The following IL16 variants were observed in gnomAD, a reference collection of about 807,000 sequenced individuals.
IL16 encodes pro-interleukin-16.
Under a neutral mutation model 110.1 loss-of-function variants are expected in IL16, and 67 were observed. The observed-to-expected ratio is 0.61, with a 90% CI of 0.50 to 0.75. IL16 has a LOEUF of 0.75. IL16 is among the 30% of genes least tolerant of loss of function. IL16 has a pLI of 0.00. For synonymous variants in IL16, 689 were observed against 662.9 expected (o/e 1.04, Z -0.61); for missense variants, 1,545 against 1,655.0 (o/e 0.93, Z 1.15).
At chr15:81,187,345 C>T (rs1024419773) in intron 1 of IL16, among the ~76,000 whole-genome samples, 18 of 152,176 alleles carry the variant, frequency 1.2e-4, no homozygotes, top group African/African-American at 3.1e-4. Flanking sequence ...CATCCGTAAT[C>T]GCTACACTTT....
At chr15:81,275,749 T>C (rs189304025) in intron 6 of IL16, among the ~76,000 whole-genome samples, 2 of 152,322 alleles carry the variant, frequency 1.3e-5, no homozygotes, top group African/African-American at 4.8e-5. Flanking sequence ...GCCTCAAACA[T>C]TGACCAAATC....
intron 6 of IL16, among the ~76,000 whole-genome samples, chr15:81,276,637 A>T (rs1404982803): frequency 6.6e-6 from 1 of 152,210 alleles, no homozygotes; most frequent in Non-Finnish European, 1.5e-5. Context: ...GAATATCAAA[A>T]TTGTGTCATA....
chr15:81,272,952 G>GTT (rs1567029552), intron 5 of IL16, 138 bp from the exon 6 acceptor site: 73 of 444,786 alleles, frequency 1.6e-4, no homozygotes, highest in Middle Eastern at 6.6e-4. Context: ...GTTAACCTCT[G>GTT]AGACCTCTGA....
chr15:81,280,785 A>G (rs1252026815), intron 8 of IL16, among the ~76,000 whole-genome samples: 3 of 152,188 alleles, frequency 2.0e-5, no homozygotes, highest in African/African-American at 4.8e-5. Context: ...GCCTGGCACA[A>G]TGCTTGGCAT....
rs3086670 is a variant in IL16 at position 81,220,796 on chromosome 15, G to GAAAAA, written c.-101-4492_-101-4488dup. ...GTTTCTCAACAAGTGCTTGTTGAAT[G>GAAAAA]AAAAAAAAAAAAAAATGAAAAGGAA... On this transcript the variant is annotated intron_variant, in intron 1 of 18. Coordinates refer to ENST00000683961, the MANE Select transcript of IL16 (RefSeq NM_172217.5). Among the ~76,000 whole-genome samples the GAAAAA allele has an allele frequency of 4.9e-3, 626 of 128,836 alleles. 2 individuals carry two copies. Among genetic ancestry groups the GAAAAA allele is most frequent in the South Asian group, 0.015 (59 of 4,014 alleles). 84.5% of individuals were successfully genotyped at this position (128,836 alleles called of 152,430 possible).
chr15:81,231,556 A>G (rs1309788155), intron 2 of IL16, among the ~76,000 whole-genome samples: 1 of 152,046 alleles, frequency 6.6e-6, no homozygotes, highest in Non-Finnish European at 1.5e-5. Flanking sequence ...TATTTTTTGT[A>G]GAGGTGGGGT....
At chr15:81,204,717 C>A (rs1895946565) in intron 1 of IL16, among the ~76,000 whole-genome samples, 1 of 149,528 alleles carries the variant, frequency 6.7e-6, no homozygotes, top group African/African-American at 2.5e-5. Context: ...TGCACATGTA[C>A]CCTAAAACTT....
intron 3 of IL16, among the ~76,000 whole-genome samples, chr15:81,264,891 ATC>A (rs1898305122): frequency 1.3e-5 from 2 of 152,372 alleles, no homozygotes; most frequent in South Asian, 4.1e-4. Context: ...ATTAAAATTA[ATC>A]TCTCCTGTTT....
chr15:81,271,267 ATAAAATAAAT>A (rs1404086618), intron 5 of IL16, among the ~76,000 whole-genome samples: 3 of 151,190 alleles, frequency 2.0e-5, no homozygotes, highest in African/African-American at 7.3e-5. Context: ...AATAAATAAA[ATAAAATAAAT>A]TAAATAAAAT....
At chr15:81,239,738 G>A (rs1434571907) in intron 2 of IL16, among the ~76,000 whole-genome samples, 1 of 152,118 alleles carries the variant, frequency 6.6e-6, no homozygotes, top group Non-Finnish European at 1.5e-5. Context: ...TCCTTTCCTG[G>A]TGTTTTAGCC....
In IL16 at chr15:81,276,008, C is replaced by T. The variant is rs1243238024; in HGVS notation, c.790+2804C>T. On this transcript the variant is annotated intron_variant, in intron 6 of 18. Transcript: ENST00000683961. Reference sequence around the variant, plus strand: ...GGCTGTGTGGCCCCAGTAAGATGGACATTCTAATAACTTAAAGAGAAGTCT... The same window carrying T: ...GGCTGTGTGGCCCCAGTAAGATGGATATTCTAATAACTTAAAGAGAAGTCT... 3.3e-5 allele frequency among the ~76,000 whole-genome samples: 5 copies of T among 152,208 alleles called. No individual in the cohort carries two copies. The South Asian group carries it at 8.3e-4, about 25-fold the overall frequency.
chr15:81,289,673 T>C (rs993077680), intron 10 of IL16, among the ~76,000 whole-genome samples: 1 of 152,216 alleles, frequency 6.6e-6, no homozygotes, highest in Non-Finnish European at 1.5e-5. Flanking sequence ...CTTTATATAA[T>C]CTGCAACTCA....
intron 12 of IL16, 78 bp from the exon 13 acceptor site, chr15:81,296,850 C>A: frequency 7.6e-7 from 1 of 1,314,788 alleles, no homozygotes; most frequent in Non-Finnish European, 1.0e-6. Flanking sequence ...TTTTTCCGTC[C>A]CAATCAAAGC....
Position 81,265,761 on chromosome 15 carries a change from C to T in IL16, c.524C>T (p.Ser175Phe). 6.2e-7 allele frequency: 1 copy of T among 1,613,716 alleles called. No homozygotes were observed. The highest frequency in any genetic ancestry group is 8.5e-7 in the Non-Finnish European group (1 of 1,179,822). ...QPYSLCSNRK[S>F]LSQQLDCPAG... is the part of the protein sequence containing the mutation. ...TACTCTCTCTGCAGTAACAGGAAGT[C>T]CCTCTCTCAACAATTGGACTGTCCA... is the stretch of plus-strand genomic sequence containing the variant. Residue 175 changes from serine to phenylalanine, a missense_variant, in exon 4 of 19, where the codon TCC becomes TTC. This residue lies in a region of IL16 where 1,185 missense variants were observed against 1,238.8 expected (regional missense o/e 0.96). Coordinates refer to ENST00000683961, the MANE Select transcript of IL16 (RefSeq NM_172217.5).
At chr15:81,236,701 A>G (rs144871984) in intron 2 of IL16, among the ~76,000 whole-genome samples, 70 of 152,286 alleles carry the variant, frequency 4.6e-4, no homozygotes, top group African/African-American at 1.6e-3. Flanking sequence ...CATGCCTGTA[A>G]TTACAATACT....
In IL16 at chr15:81,313,184, C is replaced by A. The variant is rs1040363756; in HGVS notation, c.*4386C>A. The A allele has an allele frequency of 4.8e-6, 7 of 1,450,648 alleles. No individual in the cohort carries two copies. Among genetic ancestry groups the A allele is most frequent in the Non-Finnish European group, 5.5e-6 (6 of 1,093,954 alleles). The allele number at this position is 1,450,648 out of a possible 1,614,324, so 89.9% of individuals were successfully genotyped here. On this transcript the variant is annotated 3_prime_UTR_variant, in exon 19 of 19. Coordinates refer to ENST00000683961, the MANE Select transcript of IL16 (RefSeq NM_172217.5). The stretch of plus-strand genomic sequence containing the variant: ...ACACAGGCCTCTGCGTGCTCCCAGG[C>A]TCCTTGGTGTCCCAACAGCTGGAGC...
In IL16 at chr15:81,285,770, C is replaced by A. The variant is rs373717299; in HGVS notation, c.1272C>A (p.Ile424=). ...TGACGCTCAATGAAGTCTACACGAT[C>A]CTGAGTCACTGTGATCCCGGTCCAG... is the stretch of plus-strand genomic sequence containing the variant. ...HCLTLNEVYT[I]LSHCDPGPVP... The change falls in exon 10 of 19, where the codon ATC becomes ATA. Residue 424 remains isoleucine (I), a synonymous_variant. Transcript: ENST00000683961. The A allele has an allele frequency of 1.1e-5, 18 of 1,614,040 alleles. No homozygotes were observed. Among genetic ancestry groups the A allele is most frequent in the Admixed American group, 5.0e-5 (3 of 60,002 alleles).
At chr15:81,228,741 TATA>T (rs1896874502) in intron 2 of IL16, among the ~76,000 whole-genome samples, 1 of 152,144 alleles carries the variant, frequency 6.6e-6, no homozygotes, top group Non-Finnish European at 1.5e-5. Context: ...CATATACTAA[TATA>T]ATAATAGCAA....
intron 5 of IL16, among the ~76,000 whole-genome samples, chr15:81,271,505 A>G (rs1898639669): frequency 6.6e-6 from 1 of 152,040 alleles, no homozygotes. Context: ...GTGTGTATAT[A>G]GATATGGAGA....
Sources: allele counts gnomAD v4.1 joint callset (sites outside exome capture counted in the v4.1 genomes callset), GRCh38; gene constraint gnomAD v4.1.1; regional missense constraint gnomAD v4.1.1; transcripts MANE v1.5; gene names NCBI Gene and HGNC (gene_info 2026-07-23, HGNC 2026-07-21).